The following GPC6 variants were observed in gnomAD, a reference collection of about 807,000 sequenced individuals.
GPC6 encodes the protein glypican 6.
GPC6 carries 14 observed loss-of-function variants against 55.2 expected under a neutral mutation model. The ratio of observed to expected loss-of-function variants is 0.25; its 90% confidence interval spans 0.17 to 0.40. The LOEUF is 0.40. Among genes scored for constraint, GPC6 ranks in the 10% least tolerant of loss-of-function variants. The probability of loss-of-function intolerance (pLI) is 1.00; values close to 1 mark genes in which losing one functional copy is unlikely to be tolerated. For synonymous variants in GPC6, 278 were observed against 259.6 expected (o/e 1.07, Z -0.68); for missense variants, 641 against 708.5 (o/e 0.90, Z 1.08).
intron 3 of GPC6, among the ~76,000 whole-genome samples, chr13:93,979,954 A>AG (rs370616016): frequency 6.6e-6 from 1 of 152,146 alleles, no homozygotes; most frequent in Non-Finnish European, 1.5e-5. Context: ...AATTAAAAAA[A>AG]CAAGTACTAA....
chr13:94,103,038 C>A (rs961650174), intron 4 of GPC6, among the ~76,000 whole-genome samples: 4 of 152,156 alleles, frequency 2.6e-5, no homozygotes, highest in Admixed American at 6.5e-5. Context: ...CCTACCCACT[C>A]CCACCATCCC....
Position 93,979,955 on chromosome 13 carries a change from C to T in GPC6, c.712-47774C>T, listed in dbSNP as rs117062474. Among the ~76,000 whole-genome samples, 87 of 152,144 alleles carry T rather than the reference C, an allele frequency of 5.7e-4. No homozygotes were observed. The East Asian group carries it at 0.016, about 28-fold the overall frequency. On this transcript the variant is annotated intron_variant, in intron 3 of 8. Transcript: ENST00000377047. ...CTTCTCAATTTGCAAATTAAAAAAACAAGTACTAAGAAGATGTGACATACT... is the reference window on the plus strand; with the variant it reads ...CTTCTCAATTTGCAAATTAAAAAAATAAGTACTAAGAAGATGTGACATACT...
intron 1 of GPC6, among the ~76,000 whole-genome samples, chr13:93,353,433 G>GT (rs1880703020): frequency 6.6e-6 from 1 of 152,180 alleles, no homozygotes; most frequent in South Asian, 2.1e-4. Flanking sequence ...AGCATGTGGG[G>GT]TCCTGGTGTC....
intron 4 of GPC6, among the ~76,000 whole-genome samples, chr13:94,223,967 C>G (rs1235784244): frequency 6.6e-6 from 1 of 152,094 alleles, no homozygotes; most frequent in Non-Finnish European, 1.5e-5. Flanking sequence ...CTTGTTTCGG[C>G]TGTCACACTG....
chr13:93,427,331 C>A (rs1176626119), intron 1 of GPC6, among the ~76,000 whole-genome samples: 3 of 151,676 alleles, frequency 2.0e-5, no homozygotes, highest in Non-Finnish European at 4.4e-5. Context: ...GGAGGCATCA[C>A]ACTACCTGAC....
intron 3 of GPC6, among the ~76,000 whole-genome samples, chr13:93,998,966 A>G (rs1053411226): frequency 3.9e-5 from 6 of 152,122 alleles, no homozygotes; most frequent in Non-Finnish European, 7.3e-5. Flanking sequence ...GTATCCTTCA[A>G]CCAATACTTC....
At chr13:93,356,909 T>C (rs1212003308) in intron 1 of GPC6, among the ~76,000 whole-genome samples, 1 of 152,164 alleles carries the variant, frequency 6.6e-6, no homozygotes, top group East Asian at 1.9e-4. Context: ...AGAACTGAGT[T>C]TGTGCATGAG....
chr13:94,105,708 C>A (rs1886028884), intron 4 of GPC6, among the ~76,000 whole-genome samples: 1 of 152,100 alleles, frequency 6.6e-6, no homozygotes, highest in Non-Finnish European at 1.5e-5. Flanking sequence ...TTTTAAAGCA[C>A]AACAATTAAA....
intron 1 of GPC6, among the ~76,000 whole-genome samples, chr13:93,514,573 G>A (rs561571047): frequency 6.6e-6 from 1 of 152,270 alleles, no homozygotes; most frequent in African/African-American, 2.4e-5. Flanking sequence ...ATATGCAATG[G>A]TCATTGGAAC....
At chr13:93,611,701 T>G (rs1878468099) in intron 2 of GPC6, among the ~76,000 whole-genome samples, 1 of 152,216 alleles carries the variant, frequency 6.6e-6, no homozygotes. Context: ...AGAGGCTTTT[T>G]GTTGTTGTTT....
intron 3 of GPC6, among the ~76,000 whole-genome samples, chr13:93,978,216 CT>C (rs1376877252): frequency 6.6e-6 from 1 of 152,192 alleles, no homozygotes. Context: ...AGATTCTCCC[CT>C]AAAGCCTCCA....
Position 94,403,225 on chromosome 13 carries a change from T to A in GPC6, c.*8T>A. 6.2e-7 allele frequency: 1 copy of A among 1,601,990 alleles called. No homozygotes were observed. Among genetic ancestry groups the A allele is most frequent in the South Asian group, 1.1e-5 (1 of 90,820 alleles). ...CAGAGACTGTGCAGATAATCTTGGG[T>A]TTTTGGTCAGATGAAACTGCATTTT... is the stretch of plus-strand genomic sequence containing the variant. On this transcript the variant is annotated 3_prime_UTR_variant, in exon 9 of 9. Coordinates refer to ENST00000377047, the MANE Select transcript of GPC6 (RefSeq NM_005708.5).
chr13:93,830,395 G>A lies in GPC6; in HGVS notation c.561G>A (p.Leu187=), dbSNP rs1366472947. ...AGTATCACTTCAGTGAAGACTACCT[G>A]GAATGTGTGAGCAAATACACTGACC... The part of the protein sequence containing the change: ...NPQYHFSEDY[L]ECVSKYTDQL... Residue 187 remains leucine, a synonymous_variant, in exon 3 of 9, where the codon CTG becomes CTA. Transcript: ENST00000377047. 1 of 1,613,728 alleles carries A rather than the reference G, an allele frequency of 6.2e-7. No individual in the cohort carries two copies. Among genetic ancestry groups the A allele is most frequent in the East Asian group, 2.2e-5 (1 of 44,858 alleles).
At chr13:93,851,023 A>G (rs1196780283) in intron 3 of GPC6, among the ~76,000 whole-genome samples, 1 of 152,002 alleles carries the variant, frequency 6.6e-6, no homozygotes, top group Non-Finnish European at 1.5e-5. Flanking sequence ...GTCTTTGAAT[A>G]TGGCTTGAGA....
chr13:93,609,184 T>TA (rs1217563988), intron 2 of GPC6, among the ~76,000 whole-genome samples: 1 of 152,192 alleles, frequency 6.6e-6, no homozygotes, highest in Non-Finnish European at 1.5e-5. Context: ...CTTTGCCACC[T>TA]ACATTCTTTC....
chr13:93,565,705 C>T (rs891770285), intron 2 of GPC6, among the ~76,000 whole-genome samples: 3 of 152,130 alleles, frequency 2.0e-5, no homozygotes, highest in South Asian at 4.2e-4. Flanking sequence ...AGGTGGATCA[C>T]GAGGTCAAGA....
intron 1 of GPC6, among the ~76,000 whole-genome samples, chr13:93,393,127 T>TATATATATATATAGAG (rs1230857277): frequency 6.8e-5 from 6 of 87,610 alleles, no homozygotes; most frequent in African/African-American, 2.0e-4. Flanking sequence ...TATATATATA[T>TATATATATATATAGAG]AGAGAGAGAG....
At chr13:94,093,901 A>C (rs1462522228) in intron 4 of GPC6, among the ~76,000 whole-genome samples, 1 of 152,080 alleles carries the variant, frequency 6.6e-6, no homozygotes, top group Non-Finnish European at 1.5e-5. Flanking sequence ...TACGAAGTTT[A>C]AGATGATGCT....
intron 4 of GPC6, among the ~76,000 whole-genome samples, chr13:94,257,392 T>A (rs1466241403): frequency 6.6e-6 from 1 of 152,162 alleles, no homozygotes; most frequent in African/African-American, 2.4e-5. Flanking sequence ...AGATCTTAGA[T>A]GAAATGAGAG....
Sources: gnomAD v4.1 joint callset for allele counts (sites outside exome capture counted in the v4.1 genomes callset) on GRCh38, gnomAD v4.1.1 for gene constraint, MANE v1.5 for transcripts, NCBI Gene and HGNC (gene_info 2026-07-23, HGNC 2026-07-21) for gene names.